The following SLC6A16 variants were observed in gnomAD, a reference collection of about 807,000 sequenced individuals.
The protein encoded by SLC6A16 is orphan sodium- and chloride-dependent neurotransmitter transporter NTT5.
In SLC6A16, 54 loss-of-function variants were observed where a neutral mutation model predicts 65.4. The ratio of observed to expected loss-of-function variants is 0.83; its 90% CI spans 0.66 to 1.04. SLC6A16 has a LOEUF of 1.04. SLC6A16 is among the 50% of genes least tolerant of loss of function. The pLI is 0.00. For missense variants in SLC6A16, 816 were observed against 914.0 expected, an observed-to-expected ratio of 0.89 and a Z score of 1.38; for synonymous variants, 330 against 346.5, an observed-to-expected ratio of 0.95 and a Z score of 0.53.
chr19:49,311,204 C>T lies in SLC6A16; in HGVS notation c.144G>A (p.Glu48=). Residue 48 remains glutamate (E), a synonymous_variant, in exon 2 of 12, where the codon GAG becomes GAA. Transcript: ENST00000335875. ...CAACCCGGGCTGCTGAAACTTGGGC[C>T]TCTGAGGTCCAAGATGTTGCAGACC... ...LTRSATSWTS[E]AQVSAARVAE... is the part of the protein sequence containing the mutation. The T allele has an allele frequency of 1.2e-6, 2 of 1,614,158 alleles. No individual in the cohort carries two copies. Among genetic ancestry groups the T allele is most frequent in the Non-Finnish European group, 1.7e-6 (2 of 1,180,030 alleles).
At chr19:49,312,341 T>C (rs1387221364) in intron 1 of SLC6A16, among the ~76,000 whole-genome samples, 1 of 152,188 alleles carries the variant, frequency 6.6e-6, no homozygotes, top group Non-Finnish European at 1.5e-5. Context: ...AAATATAGCC[T>C]CACCAGAGAT....
At chr19:49,305,733 C>T (rs1033627956) in intron 7 of SLC6A16, 8 of 152,160 alleles carry the variant, frequency 5.3e-5, no homozygotes, top group African/African-American at 1.7e-4. Flanking sequence ...CCAGCCAACC[C>T]GCAGAATCAT....
the SLC6A16 span, chr19:49,336,036 T>G: frequency 1.8e-6 from 1 of 545,848 alleles, no homozygotes; most frequent in Non-Finnish European, 3.3e-6. Flanking sequence ...GCTGGTCAGA[T>G]GCCCCCACAA....
chr19:49,295,373 A>G (rs1688256910), intron 7 of SLC6A16, among the ~76,000 whole-genome samples: 1 of 72,694 alleles, frequency 1.4e-5, no homozygotes, highest in Non-Finnish European at 2.7e-5. Flanking sequence ...GCGAGACTCC[A>G]TTTCAAAAAA....
At chr19:49,296,349 G>GA (rs1222171673) in intron 7 of SLC6A16, among the ~76,000 whole-genome samples, 5 of 151,720 alleles carry the variant, frequency 3.3e-5, no homozygotes, top group African/African-American at 4.8e-5. Flanking sequence ...AACGATTTTG[G>GA]AAAAAAAATA....
At chr19:49,327,888 G>T (rs751832595), upstream of SLC6A16, among the ~76,000 whole-genome samples, 3 of 152,222 alleles carry the variant, frequency 2.0e-5, no homozygotes, top group Non-Finnish European at 2.9e-5. Flanking sequence ...CAAAGAGTCT[G>T]ATATGAATGG....
rs776301336 is a variant in SLC6A16 at position 49,310,092 on chromosome 19, C to T, written c.648G>A (p.Gln216=). ...GACATTTCTCCCATGGAACGGGAAACTGGAAGGACTGGCTCATGTAGAAGA... is the reference window on the plus strand; with the variant it reads ...GACATTTCTCCCATGGAACGGGAAATTGGAAGGACTGGCTCATGTAGAAGA... ...WIIFYMSQSF[Q]FPVPWEKCPL... is the part of the protein sequence containing the mutation. The change falls in exon 4 of 12, where the codon CAG becomes CAA. Residue 216 remains glutamine, a synonymous_variant. Transcript: ENST00000335875. 10 of 1,613,970 alleles carry T rather than the reference C, an allele frequency of 6.2e-6. No individual in the cohort carries two copies. Among genetic ancestry groups the T allele is most frequent in the Non-Finnish European group, 8.5e-6 (10 of 1,180,032 alleles).
intron 9 of SLC6A16, 85 bp from the exon 10 acceptor site, chr19:49,293,467 T>C (rs539841609): frequency 7.3e-7 from 1 of 1,370,364 alleles, no homozygotes. Flanking sequence ...CCAGGGCTGG[T>C]GGCAGACCCA....
intron 1 of SLC6A16, among the ~76,000 whole-genome samples, chr19:49,320,584 T>G (rs1328074018): frequency 6.6e-6 from 1 of 151,982 alleles, no homozygotes; most frequent in Non-Finnish European, 1.5e-5. Flanking sequence ...AGTTGTTTCT[T>G]TAAAAATATC....
In SLC6A16 at chr19:49,290,234, G is replaced by A; in HGVS notation, c.2100C>T (p.Ser700=). ...GCTGGTGACTTAGGGGTAGGGATGTGGAGGCTGTCATAGGCCCGTCTCCGC... is the reference window on the plus strand; with the variant it reads ...GCTGGTGACTTAGGGGTAGGGATGTAGAGGCTGTCATAGGCCCGTCTCCGC... The part of the protein sequence containing the change: ...PKSGDGPMTA[S]TSLPLSHQLT... The change falls in exon 12 of 12, where the codon TCC becomes TCT. Residue 700 remains serine, a synonymous_variant. Coordinates refer to ENST00000335875, the MANE Select transcript of SLC6A16 (RefSeq NM_014037.3). The A allele has an allele frequency of 6.2e-7, 1 of 1,614,126 alleles. No homozygotes were observed. Among genetic ancestry groups the A allele is most frequent in the Non-Finnish European group, 8.5e-7 (1 of 1,180,010 alleles).
At position 49,290,404 on chromosome 19, in the gene SLC6A16, T is replaced by C. The variant is rs1464658489; in HGVS notation, c.1942-12A>G. 2 of 1,605,146 alleles carry C rather than the reference T, an allele frequency of 1.2e-6. No homozygotes were observed. Among genetic ancestry groups the C allele is most frequent in the East Asian group, 2.2e-5 (1 of 44,740 alleles). On this transcript the variant is annotated splice_polypyrimidine_tract_variant and intron_variant, in intron 11 of 11. Coordinates refer to ENST00000335875, the MANE Select transcript of SLC6A16 (RefSeq NM_014037.3). ...AGCACCTCTTTTGACTGTGGAGAGA[T>C]GGGAAAAGGGTTCAGAATATCAAAA...
At chr19:49,309,508 G>A in intron 5 of SLC6A16, 97 bp from the exon 6 acceptor site, 1 of 1,274,168 alleles carries the variant, frequency 7.8e-7, no homozygotes, top group East Asian at 2.5e-5. Context: ...ATGAGTAGGA[G>A]TTAGAAGAAA....
rs1163749612 is a variant in SLC6A16, at chr19:49,325,005, A to C, written c.-65+43T>G. ...AATGGCGCCCAGCCCCACACACCCC[A>C]GATGTGGGAACATTTTAGGGCTCCC... is the stretch of plus-strand genomic sequence containing the variant. On this transcript the variant is annotated intron_variant, in intron 1 of 11. Coordinates refer to ENST00000335875, the MANE Select transcript of SLC6A16 (RefSeq NM_014037.3). The C allele has an allele frequency of 3.1e-6, 3 of 978,132 alleles. No individual in the cohort carries two copies. The African/African-American group carries it at 5.3e-5, about 17-fold the overall frequency. 60.6% of individuals were successfully genotyped at this position (978,132 alleles called of 1,614,324 possible). A position where few individuals can be genotyped will look rare whatever the true frequency, so the allele number is the denominator to read the frequency against.
chr19:49,323,207 C>G (rs1725017503), intron 1 of SLC6A16, among the ~76,000 whole-genome samples: 1 of 152,008 alleles, frequency 6.6e-6, no homozygotes, highest in South Asian at 2.1e-4. Flanking sequence ...ACACCACATA[C>G]AAATACACAA....
intron 7 of SLC6A16, among the ~76,000 whole-genome samples, chr19:49,295,019 T>TC (rs1435034003): frequency 1.3e-5 from 2 of 152,088 alleles, no homozygotes; most frequent in African/African-American, 4.8e-5. Flanking sequence ...GCCTCATATG[T>TC]CCCTACGGCC....
Position 49,294,419 on chromosome 19 carries a change from C to T in SLC6A16, c.1364G>A (p.Ser455Asn). The T allele has an allele frequency of 6.2e-7, 1 of 1,614,152 alleles. No homozygotes were observed. Among genetic ancestry groups the T allele is most frequent in the Non-Finnish European group, 8.5e-7 (1 of 1,180,030 alleles). The change falls in exon 8 of 12, where the codon AGC becomes AAC. Residue 455 changes from serine (S) to asparagine (N), a missense_variant. Transcript: ENST00000335875. ...CTCAGTCACCTCGCGGAGAACCATG[C>T]TTTTGATGTGCTGGGGAAGGCCACT... ...WLSGLPQHIK[S>N]MVLREVTECN...
chr19:49,333,055 T>C, the SLC6A16 span, among the ~76,000 whole-genome samples: 1 of 150,686 alleles, frequency 6.6e-6, no homozygotes, highest in Non-Finnish European at 1.5e-5. Flanking sequence ...CCAGCTACTC[T>C]GGAGGCTGAG....
In SLC6A16 at chr19:49,293,364, A is replaced by T. The variant is rs542424956; in HGVS notation, c.1637T>A (p.Met546Lys). The stretch of plus-strand genomic sequence containing the variant: ...AGTGAAGAAGAGGCCGCACACGAAC[A>T]TGAGCAAAAAGACTCCCACTGGAGA... ...KLLIVGVFLL[M>K]FVCGLFFTRP... Residue 546 changes from methionine to lysine, a missense_variant, in exon 10 of 12, where the codon ATG becomes AAG. Coordinates refer to ENST00000335875, the MANE Select transcript of SLC6A16 (RefSeq NM_014037.3). The T allele has an allele frequency of 5.0e-6, 8 of 1,614,202 alleles. No homozygotes were observed. The highest frequency in any genetic ancestry group is 1.7e-6 in the Non-Finnish European group (2 of 1,180,038).
chr19:49,308,959 C>A lies in SLC6A16; in HGVS notation c.1146G>T (p.Leu382=). ...AAGATGTGAAAACCAACAAAGTGAG[C>A]AGGTTTATCACAGACACGAGAAAGG... The part of the protein sequence containing the change: ...SDAFLVSVIN[L]LTLLVFTSFN... Residue 382 remains leucine (L), a synonymous_variant, in exon 7 of 12, where the codon CTG becomes CTT. Coordinates refer to ENST00000335875, the MANE Select transcript of SLC6A16 (RefSeq NM_014037.3). The A allele has an allele frequency of 1.2e-6, 2 of 1,614,108 alleles. No individual in the cohort carries two copies. The highest frequency in any genetic ancestry group is 1.7e-6 in the Non-Finnish European group (2 of 1,180,020).
Sources: gnomAD v4.1 joint callset for allele counts (sites outside exome capture counted in the v4.1 genomes callset) on GRCh38, gnomAD v4.1.1 for gene constraint, MANE v1.5 for transcripts, NCBI Gene and HGNC (gene_info 2026-07-23, HGNC 2026-07-21) for gene names.